The following DCP1B variants were observed in gnomAD, a reference collection of about 807,000 sequenced individuals.
DCP1B encodes decapping mRNA 1B.
Under a neutral mutation model 60.5 loss-of-function variants are expected in DCP1B, and 47 were observed. The observed-to-expected ratio is 0.78, with a 90% CI of 0.61 to 0.99. The LOEUF (loss-of-function observed/expected upper bound fraction) is 0.99. Ranked by LOEUF, DCP1B falls within the 50% of genes least tolerant of loss-of-function variation. The pLI is 0.00. For synonymous variants in DCP1B, 267 were observed against 280.3 expected (o/e 0.95, Z 0.47); for missense variants, 725 against 756.8 (o/e 0.96, Z 0.49).
intron 1 of DCP1B, among the ~76,000 whole-genome samples, chr12:2,000,233 T>G (rs1184953342): frequency 6.6e-6 from 1 of 152,210 alleles, no homozygotes; most frequent in East Asian, 1.9e-4. Flanking sequence ...ATTACATTGT[T>G]AGGAAACTGA....
chr12:1,958,408 G>A (rs1292779162), intron 5 of DCP1B, among the ~76,000 whole-genome samples: 238 of 80,246 alleles, frequency 3.0e-3, no homozygotes, highest in Middle Eastern at 0.013. Context: ...CTGGGCAATG[G>A]CTTTTTCTAT....
At chr12:1,950,736 T>G (rs2030637064) in intron 7 of DCP1B, among the ~76,000 whole-genome samples, 1 of 152,090 alleles carries the variant, frequency 6.6e-6, no homozygotes, top group Admixed American at 6.5e-5. Context: ...AGCCTCAACT[T>G]CTTGGGCTCA....
At chr12:1,960,120 C>T (rs924473393) in intron 5 of DCP1B, among the ~76,000 whole-genome samples, 3 of 152,002 alleles carry the variant, frequency 2.0e-5, no homozygotes, top group Non-Finnish European at 2.9e-5. Context: ...TTACAATAGC[C>T]AATATATGGA....
chr12:1,987,668 TTGAC>T (rs1382668226), intron 3 of DCP1B, among the ~76,000 whole-genome samples: 4 of 152,190 alleles, frequency 2.6e-5, no homozygotes, highest in South Asian at 2.1e-4. Context: ...TTTTCAAAAA[TTGAC>T]TGAAGAGGAT....
At chr12:1,969,790 A>G (rs1240431244) in intron 3 of DCP1B, among the ~76,000 whole-genome samples, 1 of 152,134 alleles carries the variant, frequency 6.6e-6, no homozygotes, top group Non-Finnish European at 1.5e-5. Flanking sequence ...CTGACGTTCA[A>G]CCACTTAATA....
At chr12:1,949,414 G>C in intron 7 of DCP1B, 80 bp from the exon 8 acceptor site, 15 of 1,567,994 alleles carry the variant, frequency 9.6e-6, no homozygotes, top group Non-Finnish European at 1.3e-5. Flanking sequence ...AGATACGGGT[G>C]GTCTAAGCAT....
intron 5 of DCP1B, among the ~76,000 whole-genome samples, chr12:1,960,102 C>A (rs1250601853): frequency 6.6e-6 from 1 of 152,070 alleles, no homozygotes; most frequent in Non-Finnish European, 1.5e-5. Flanking sequence ...CCTGTGTTCA[C>A]CACAACATTA....
At position 2,000,470 on chromosome 12, in the gene DCP1B, T is replaced by TAA. The variant is rs71441668; in HGVS notation, c.151-2497_151-2496dup. ...GTAACAGAAATTCTCTTTTCTTAAT[T>TAA]AAAAAAAAAAAACCTTTAATGCCAC... On this transcript the variant is annotated intron_variant, in intron 1 of 8. Coordinates refer to ENST00000280665, the MANE Select transcript of DCP1B (RefSeq NM_152640.5). Among the ~76,000 whole-genome samples, 1,105 of 146,294 alleles carry TAA rather than the reference T, an allele frequency of 7.6e-3. 11 individuals are homozygous for TAA. The highest frequency in any genetic ancestry group is 0.026 in the African/African-American group (1,025 of 40,012).
In DCP1B at chr12:1,958,028, T is replaced by C. The variant is rs974032812; in HGVS notation, c.523-2468A>G. Among the ~76,000 whole-genome samples, 3 of 150,816 alleles carry C rather than the reference T, an allele frequency of 2.0e-5. No individual in the cohort carries two copies. In the East Asian group the frequency reaches 5.8e-4, roughly 29 times the overall value. On this transcript the variant is annotated intron_variant, in intron 5 of 8. Coordinates refer to ENST00000280665, the MANE Select transcript of DCP1B (RefSeq NM_152640.5). ...CGTCGCTCTGGGCAGACTTTTTCTA[T>C]AAACCTCCTGGAAGGAAACAGGGGA...
chr12:1,971,340 G>A lies in DCP1B; in HGVS notation c.320-3430C>T, dbSNP rs926886924. 17 of 427,358 alleles carry A rather than the reference G, an allele frequency of 4.0e-5. No homozygotes were observed. Among genetic ancestry groups the A allele is most frequent in the South Asian group, 5.0e-5 (2 of 39,910 alleles). 26.5% of individuals were successfully genotyped at this position (427,358 alleles called of 1,614,324 possible). Reference sequence around the variant, plus strand: ...ATTTAATCAGGATTTACCACACACCGTTGTAAAATTTTGCCTGTAACTGCA... The same window carrying A: ...ATTTAATCAGGATTTACCACACACCATTGTAAAATTTTGCCTGTAACTGCA... On this transcript the variant is annotated intron_variant, in intron 3 of 8. Transcript: ENST00000280665. This position sits in a 1 kb window ranked among gnomAD's most constrained non-coding sequence, Gnocchi z 4.2.
intron 5 of DCP1B, among the ~76,000 whole-genome samples, chr12:1,963,055 G>A (rs2031178838): frequency 6.6e-6 from 1 of 152,160 alleles, no homozygotes; most frequent in Admixed American, 6.5e-5. Context: ...AAAAGTTAGA[G>A]CTCAAGGCTT....
intron 1 of DCP1B, 93 bp downstream of exon 1, chr12:2,004,189 C>T (rs1355116670): frequency 6.5e-7 from 1 of 1,549,618 alleles, no homozygotes; most frequent in South Asian, 1.2e-5. Context: ...GTCAACGTCT[C>T]CTCCCCCTCA....
chr12:1,992,934 G>A lies in DCP1B; in HGVS notation c.319+330C>T, dbSNP rs981934694. 3 of 582,666 alleles carry A rather than the reference G, an allele frequency of 5.1e-6. No individual in the cohort carries two copies. The South Asian group carries it at 6.5e-5, about 13-fold the overall frequency. 36.1% of individuals were successfully genotyped at this position (582,666 alleles called of 1,614,324 possible). ...TTCGTTCAGGGAGCCACCTATGTGT[G>A]TGTCTCTGCAGTCTCCTCACTAAGA... On this transcript the variant is annotated intron_variant, in intron 3 of 8. Coordinates refer to ENST00000280665, the MANE Select transcript of DCP1B (RefSeq NM_152640.5).
At chr12:1,946,748 A>G (rs540145320) in intron 8 of DCP1B, among the ~76,000 whole-genome samples, 1 of 152,258 alleles carries the variant, frequency 6.6e-6, no homozygotes, top group Middle Eastern at 3.4e-3. Flanking sequence ...CACCCAAGCT[A>G]AAGTGCAGTA....
In DCP1B at chr12:1,952,419, G is replaced by A. The variant is rs532080760; in HGVS notation, c.1521C>T (p.Phe507=). The A allele has an allele frequency of 8.3e-6, 13 of 1,573,928 alleles. 1 individual carries two copies. The African/African-American group carries it at 1.1e-4, about 13-fold the overall frequency. The change falls in exon 7 of 9, where the codon TTC becomes TTT. Residue 507 remains phenylalanine (F), a synonymous_variant. Coordinates refer to ENST00000280665, the MANE Select transcript of DCP1B (RefSeq NM_152640.5). ...TTTGCCCCTGGTACATATTTACCTG[G>A]AAAAGAGGAGTCTGCTGTTCTGTGT... ...TPNTEQQTPL[F]QVISPQRIPA...
chr12:1,996,617 A>T (rs2470399), intron 2 of DCP1B, among the ~76,000 whole-genome samples: 18,373 of 59,766 alleles, frequency 0.31, 1,890 homozygotes, highest in Admixed American at 0.34. Flanking sequence ...CTGATGAGCT[A>T]AAAAAAAAAA....
chr12:1,986,699 G>A (rs888509490), intron 3 of DCP1B, among the ~76,000 whole-genome samples: 4 of 151,870 alleles, frequency 2.6e-5, no homozygotes, highest in South Asian at 2.1e-4. Flanking sequence ...GTGACTTGGC[G>A]CATTCTTGGG....
chr12:1,951,265 A>G (rs1223720101), intron 7 of DCP1B, among the ~76,000 whole-genome samples: 3 of 152,184 alleles, frequency 2.0e-5, no homozygotes, highest in Non-Finnish European at 4.4e-5. Flanking sequence ...ACAAGAGTGA[A>G]ACTCTGTCTC....
chr12:1,965,631 A>T lies in DCP1B; in HGVS notation c.449T>A (p.Ile150Asn). 3.1e-6 allele frequency: 5 copies of T among 1,614,024 alleles called. No homozygotes were observed. Among genetic ancestry groups the T allele is most frequent in the Non-Finnish European group, 4.2e-6 (5 of 1,179,932 alleles). Residue 150 changes from isoleucine (I) to asparagine (N), a missense_variant, in exon 5 of 9, where the codon ATC (isoleucine) becomes AAC (asparagine). Physicochemically the swap from Ile to Asn is moderately radical, Grantham distance 149 (BLOSUM62 -3). Transcript: ENST00000280665. Reference sequence around the variant, plus strand: ...TTCTTTGCCCTCTCCTGAATTGAGGATCACTGGGGAAATTCCTGCTCCAGT... The same window carrying T: ...TTCTTTGCCCTCTCCTGAATTGAGGTTCACTGGGGAAATTCCTGCTCCAGT... ...QGTGAGISPV[I>N]LNSGEGKEVD... is the part of the protein sequence containing the mutation.
Sources: allele counts gnomAD v4.1 joint callset (sites outside exome capture counted in the v4.1 genomes callset), GRCh38; gene constraint gnomAD v4.1.1; non-coding constraint Gnocchi (gnomAD v3.1); transcripts MANE v1.5; gene names NCBI Gene and HGNC (gene_info 2026-07-23, HGNC 2026-07-21).